TM7SF3: variants seen among roughly 807,000 people sequenced by gnomAD.
The protein encoded by TM7SF3 is seven span transmembrane protein.
A neutral mutation model predicts 65.5 loss-of-function variants in TM7SF3; 60 were observed. That is an observed-to-expected ratio of 0.92 (90% CI 0.74 to 1.14). TM7SF3 has a LOEUF of 1.14. Among genes scored for constraint, TM7SF3 ranks in the 50% most tolerant of loss-of-function variants. The pLI, the probability that TM7SF3 is intolerant of heterozygous loss-of-function variation, is 0.00. For missense variants in TM7SF3, 623 were observed against 684.8 expected (o/e 0.91, Z 1.01); for synonymous variants, 264 against 259.6 (o/e 1.02, Z -0.16).
intron 6 of TM7SF3, among the ~76,000 whole-genome samples, chr12:26,988,471 A>T (rs10842823): frequency 0.33 from 50,378 of 151,388 alleles, 8,554 homozygotes; most frequent in East Asian, 0.45. Context: ...GCCAAAAATA[A>T]TTTTTTTTTA....
At chr12:26,994,835 T>C (rs1940524208) in intron 5 of TM7SF3, among the ~76,000 whole-genome samples, 1 of 152,190 alleles carries the variant, frequency 6.6e-6, no homozygotes, top group South Asian at 2.1e-4. Flanking sequence ...AGACTTTGAG[T>C]TTGGGTTCAA....
chr12:26,999,887 T>A (rs964469958), intron 2 of TM7SF3: 3 of 508,464 alleles, frequency 5.9e-6, no homozygotes, highest in Admixed American at 3.2e-5. Flanking sequence ...TATACGATTG[T>A]CTTAGTTAAG....
chr12:26,995,949 T>C (rs1019608318), intron 4 of TM7SF3, among the ~76,000 whole-genome samples: 2 of 152,134 alleles, frequency 1.3e-5, no homozygotes, highest in African/African-American at 4.8e-5. Flanking sequence ...CAAAGGTGAT[T>C]ACATAACTGG....
At position 26,990,639 on chromosome 12, in the gene TM7SF3, A is replaced by T. The variant is rs971838938; in HGVS notation, c.691-12T>A. On this transcript the variant is annotated splice_polypyrimidine_tract_variant and intron_variant, in intron 5 of 11. Coordinates refer to ENST00000343028, the MANE Select transcript of TM7SF3 (RefSeq NM_016551.3). ...GTTAGGGTAACCACCTGAAGCCAAAAATAACACATGATTAGTGTTTAGGGG... is the reference window on the plus strand; with the variant it reads ...GTTAGGGTAACCACCTGAAGCCAAATATAACACATGATTAGTGTTTAGGGG... The T allele has an allele frequency of 6.2e-7, 1 of 1,610,094 alleles. No homozygotes were observed. The highest frequency in any genetic ancestry group is 1.3e-5 in the African/African-American group (1 of 74,792).
intron 4 of TM7SF3, 55 bp downstream of exon 4, chr12:26,996,687 A>AAATAT: frequency 1.9e-6 from 3 of 1,548,556 alleles, no homozygotes; most frequent in Admixed American, 4.2e-5. Context: ...AAATCTACAC[A>AAATAT]ACTGTCGTCA....
chr12:27,013,935 C>G (rs549487455), intron 1 of TM7SF3, 143 bp downstream of exon 1: 226 of 732,828 alleles, frequency 3.1e-4, no homozygotes, highest in Non-Finnish European at 4.2e-4. Context: ...ACCATTCGTG[C>G]CGGTTCTGGA....
intron 1 of TM7SF3, chr12:27,013,130 TTC>T (rs1457010532): frequency 1.2e-5 from 2 of 171,134 alleles, no homozygotes; most frequent in Non-Finnish European, 2.6e-5. Flanking sequence ...ATTCTTGTTT[TTC>T]TCATTTTAGT....
In TM7SF3 at chr12:27,001,437, C is replaced by T. The variant is rs77159159; in HGVS notation, c.247-1761G>A. Reference sequence around the variant, plus strand: ...TTGTTGAGCTTTAATGAGAATTAACCATATGGAAACCAAACACAGGGGTTC... The same window carrying T: ...TTGTTGAGCTTTAATGAGAATTAACTATATGGAAACCAAACACAGGGGTTC... On this transcript the variant is annotated intron_variant, in intron 2 of 11. Transcript: ENST00000343028. 7.7e-3 allele frequency among the ~76,000 whole-genome samples: 1,173 copies of T among 152,190 alleles called. 8 individuals carry two copies. Among genetic ancestry groups the T allele is most frequent in the Non-Finnish European group, 0.01 (688 of 67,998 alleles).
In TM7SF3 at chr12:26,973,980, C is replaced by CGTTCT; in HGVS notation, c.1693_1697dup (p.Pro567GlufsTer52). The CGTTCT allele has an allele frequency of 1.2e-6, 2 of 1,614,060 alleles. No individual in the cohort carries two copies. Among genetic ancestry groups the CGTTCT allele is most frequent in the Non-Finnish European group, 1.7e-6 (2 of 1,179,996 alleles). On this transcript the variant is annotated frameshift_variant, in exon 12 of 12. Coordinates refer to ENST00000343028, the MANE Select transcript of TM7SF3 (RefSeq NM_016551.3). LOFTEE classifies it high-confidence loss of function. Reference sequence around the variant, plus strand: ...CCCTGGGCATCTACAGAAGCAAAGGCGTTCTCTCTCCAGCTGGCTGCTCCT... The same window carrying CGTTCT: ...CCCTGGGCATCTACAGAAGCAAAGGCGTTCTGTTCTCTCTCCAGCTGGCTGCTCCT...
intron 2 of TM7SF3, 107 bp from the exon 3 acceptor site, chr12:26,999,783 G>GA (rs369163710): frequency 0.026 from 25,410 of 970,702 alleles, 5 homozygotes; most frequent in South Asian, 0.034. Context: ...AAAACAAATA[G>GA]AAAAAAAAAA....
chr12:27,012,042 A>C (rs144222437), intron 1 of TM7SF3, among the ~76,000 whole-genome samples: 3 of 152,192 alleles, frequency 2.0e-5, no homozygotes, highest in Non-Finnish European at 4.4e-5. Flanking sequence ...TAAAATAGAG[A>C]TAGCATCTCT....
Position 26,974,150 on chromosome 12 carries a change from G to A in TM7SF3, c.1528C>T (p.Pro510Ser). 6.2e-7 allele frequency: 1 copy of A among 1,614,178 alleles called. No individual in the cohort carries two copies. The highest frequency in any genetic ancestry group is 1.1e-5 in the South Asian group (1 of 91,084). ...TTGTATGGGTGGGGAGGGAAGAACG[G>A]TCGTCCTCTCTCTCTTCGAATCTGT... Reference protein sequence around the residue: ...TLQIRRERGRPFFPPHPYKLW... With the variant: ...TLQIRRERGRSFFPPHPYKLW... The change falls in exon 12 of 12, where the codon CCG becomes TCG. Residue 510 changes from proline (P) to serine (S), a missense_variant. Pro to Ser is a moderately conservative substitution (Grantham distance 74). Transcript: ENST00000343028.
At chr12:26,994,918 C>T (rs1487748896) in intron 5 of TM7SF3, among the ~76,000 whole-genome samples, 3 of 152,156 alleles carry the variant, frequency 2.0e-5, no homozygotes, top group Non-Finnish European at 4.4e-5. Flanking sequence ...AATCTTCATA[C>T]TTGCCAAAAA....
chr12:26,991,343 G>A lies in TM7SF3; in HGVS notation c.691-716C>T, dbSNP rs562445196. ...AATTTTTTGTATTTTTAGTAGAGAC[G>A]GGGTTTCACCTTGTTAGCCAGGATG... On this transcript the variant is annotated intron_variant, in intron 5 of 11. Coordinates refer to ENST00000343028, the MANE Select transcript of TM7SF3 (RefSeq NM_016551.3). 3.6e-3 allele frequency among the ~76,000 whole-genome samples: 547 copies of A among 151,048 alleles called. 1 individual carries two copies. Among genetic ancestry groups the A allele is most frequent in the African/African-American group, 0.013 (525 of 41,202 alleles).
At chr12:26,974,432 T>G (rs973382762) in intron 11 of TM7SF3, among the ~76,000 whole-genome samples, 1 of 152,196 alleles carries the variant, frequency 6.6e-6, no homozygotes, top group African/African-American at 2.4e-5. Flanking sequence ...AGGAATTTTC[T>G]ATTACAGGCA....
intron 5 of TM7SF3, among the ~76,000 whole-genome samples, chr12:26,994,793 C>T (rs560095449): frequency 6.6e-6 from 1 of 152,298 alleles, no homozygotes; most frequent in Non-Finnish European, 1.5e-5. Flanking sequence ...TACATGGATT[C>T]AAAAGCTCAG....
intron 7 of TM7SF3, among the ~76,000 whole-genome samples, 189 bp from the exon 8 acceptor site, chr12:26,980,835 A>G (rs181422457): frequency 1.0e-3 from 159 of 152,324 alleles, no homozygotes; most frequent in African/African-American, 3.6e-3. Context: ...CCATGGGAGT[A>G]ATTATTATTA....
intron 9 of TM7SF3, 27 bp downstream of exon 9, chr12:26,979,757 A>C: frequency 6.3e-7 from 1 of 1,597,188 alleles, no homozygotes; most frequent in African/African-American, 1.3e-5. Context: ...ACTCGAACAC[A>C]CAAAACATCT....
At position 26,973,676 on chromosome 12, in the gene TM7SF3, T is replaced by C. The variant is rs916040387; in HGVS notation, c.*289A>G. On this transcript the variant is annotated 3_prime_UTR_variant, in exon 12 of 12. Coordinates refer to ENST00000343028, the MANE Select transcript of TM7SF3 (RefSeq NM_016551.3). ...GTTTTTAATTTTTTTAATGTATCTA[T>C]TTAATGGAATAAGTTGATCATAGAT... The C allele has an allele frequency of 3.9e-5, 12 of 304,200 alleles. No homozygotes were observed. Among genetic ancestry groups the C allele is most frequent in the Non-Finnish European group, 7.2e-5 (12 of 165,816 alleles). The allele number at this position is 304,200 out of a possible 1,614,324, so 18.8% of individuals were successfully genotyped here.
Sources: allele counts gnomAD v4.1 joint callset (sites outside exome capture counted in the v4.1 genomes callset), GRCh38; gene constraint gnomAD v4.1.1; transcripts MANE v1.5; gene names NCBI Gene and HGNC (gene_info 2026-07-23, HGNC 2026-07-21).